Variants in PTPRT observed in about 807,000 individuals in gnomAD.
The protein encoded by PTPRT is protein tyrosine phosphatase receptor type T.
PTPRT carries 56 observed loss-of-function variants against 176.8 expected under a neutral mutation model. The ratio of observed to expected loss-of-function variants is 0.32; its 90% confidence interval spans 0.26 to 0.40. The LOEUF (loss-of-function observed/expected upper bound fraction) is 0.40, where lower values mean the gene tolerates loss of function less well. Among genes scored for constraint, PTPRT ranks in the 10% least tolerant of loss-of-function variants. The pLI is 1.00. For missense variants in PTPRT, 1,540 were observed against 1,908.2 expected, an observed-to-expected ratio of 0.81 and a Z score of 3.60; for synonymous variants, 783 against 739.0, an observed-to-expected ratio of 1.06 and a Z score of -0.96.
Position 43,085,543 on chromosome 20 carries a change from C to T in PTPRT, c.88+104103G>A, listed in dbSNP as rs2011580190. ...TTTATAAAGAGGTTTAATTGACTCA[C>T]AGTTCCACATGGCTTGGGAGGCCTC... On this transcript the variant is annotated intron_variant, in intron 1 of 30. Transcript: ENST00000373187. 5.3e-5 allele frequency among the ~76,000 whole-genome samples: 8 copies of T among 152,274 alleles called. No homozygotes were observed. In the South Asian group the frequency reaches 1.7e-3, roughly 32 times the overall value.
At chr20:42,452,659 A>T (rs927034118) in intron 8 of PTPRT, among the ~76,000 whole-genome samples, 6 of 152,182 alleles carry the variant, frequency 3.9e-5, no homozygotes, top group Admixed American at 1.3e-4. Context: ...GACAATAAGA[A>T]GTGTCTGTCT....
intron 7 of PTPRT, among the ~76,000 whole-genome samples, chr20:42,516,960 T>G (rs1167703566): frequency 1.3e-5 from 2 of 152,118 alleles, no homozygotes; most frequent in Non-Finnish European, 2.9e-5. Context: ...TAACTAACTT[T>G]GGTTTCTGAA....
At chr20:43,029,323 G>GT (rs1354023902) in intron 1 of PTPRT, among the ~76,000 whole-genome samples, 1 of 152,176 alleles carries the variant, frequency 6.6e-6, no homozygotes, top group Non-Finnish European at 1.5e-5. Flanking sequence ...GTGAGATACA[G>GT]TTAAGTCATG....
At chr20:42,140,694 A>C (rs1463217376) in intron 18 of PTPRT, among the ~76,000 whole-genome samples, 1 of 152,090 alleles carries the variant, frequency 6.6e-6, no homozygotes, top group Non-Finnish European at 1.5e-5. Flanking sequence ...GATCTTTCCA[A>C]AATGGACATC....
Position 42,951,981 on chromosome 20 carries a change from G to A in PTPRT, c.89-66049C>T, listed in dbSNP as rs117969953. 7.9e-3 allele frequency among the ~76,000 whole-genome samples: 1,210 copies of A among 152,320 alleles called. 11 individuals carry two copies. Among genetic ancestry groups the A allele is most frequent in the Middle Eastern group, 0.051 (15 of 294 alleles). ...TTTAACACCAAAAGCCTCCATTTTA[G>A]GAAAAGGCACCCAAATCCCTGCTTC... On this transcript the variant is annotated intron_variant, in intron 1 of 30. Coordinates refer to ENST00000373187, the MANE Select transcript of PTPRT (RefSeq NM_007050.6).
intron 1 of PTPRT, among the ~76,000 whole-genome samples, chr20:42,958,123 C>T (rs1032487164): frequency 2.1e-4 from 28 of 135,788 alleles, no homozygotes; most frequent in African/African-American, 8.0e-4. Flanking sequence ...TGAGTTTCAT[C>T]CCCTAATGTG....
At chr20:42,971,247 G>T (rs1982620411) in intron 1 of PTPRT, 1 of 152,212 alleles carries the variant, frequency 6.6e-6, no homozygotes. Context: ...ATCTGAAAGT[G>T]CTGTTTGAAG....
intron 5 of PTPRT, among the ~76,000 whole-genome samples, chr20:42,763,015 T>G (rs1484579027): frequency 1.3e-5 from 2 of 152,234 alleles, no homozygotes; most frequent in East Asian, 3.8e-4. Flanking sequence ...ATAGCTACAC[T>G]TTAATGTTCT....
chr20:42,587,222 A>C (rs1021480870), intron 7 of PTPRT, among the ~76,000 whole-genome samples: 1 of 152,182 alleles, frequency 6.6e-6, no homozygotes, highest in Non-Finnish European at 1.5e-5. Flanking sequence ...CCATACTGCA[A>C]CTGAGGTCCC....
intron 7 of PTPRT, among the ~76,000 whole-genome samples, chr20:42,603,252 G>T (rs1172234251): frequency 6.6e-6 from 1 of 152,126 alleles, no homozygotes; most frequent in Non-Finnish European, 1.5e-5. Flanking sequence ...TGGGGAGGAG[G>T]GTGTGAGGGA....
At chr20:42,876,931 T>A (rs2078941887) in intron 2 of PTPRT, among the ~76,000 whole-genome samples, 1 of 151,630 alleles carries the variant, frequency 6.6e-6, no homozygotes, top group Non-Finnish European at 1.5e-5. Flanking sequence ...CTGGAGGAGG[T>A]GACATTTGTG....
At chr20:43,127,679 A>G (rs764817488) in intron 1 of PTPRT, among the ~76,000 whole-genome samples, 6 of 152,106 alleles carry the variant, frequency 3.9e-5, no homozygotes, top group Non-Finnish European at 5.9e-5. Context: ...CTGGGCCCAG[A>G]GGGATGTTAA....
At chr20:42,412,937 T>G (rs1184363612) in intron 9 of PTPRT, among the ~76,000 whole-genome samples, 1 of 152,202 alleles carries the variant, frequency 6.6e-6, no homozygotes, top group African/African-American at 2.4e-5. Context: ...TTTGGGATTA[T>G]GAAAATATTT....
At position 42,448,237 on chromosome 20, in the gene PTPRT, C is replaced by T. The variant is rs767966403; in HGVS notation, c.1543G>A (p.Val515Ile). The change falls in exon 9 of 31, where the codon GTC becomes ATC. Residue 515 changes from valine to isoleucine, a missense_variant. Physicochemically the swap from Val to Ile is conservative, Grantham distance 29. This residue lies in a region of PTPRT where 136 missense variants were observed against 135.0 expected (regional missense o/e 1.01). Transcript: ENST00000373187. ...CTCCTTACCTCGTAGAGCGTGATGACCCCATTGGTCTCATTGGGAGGTTTC... is the reference window on the plus strand; with the variant it reads ...CTCCTTACCTCGTAGAGCGTGATGATCCCATTGGTCTCATTGGGAGGTTTC... ...QWKPPNETNG[V>I]ITLYEINYKA... The T allele has an allele frequency of 8.7e-6, 14 of 1,610,442 alleles. No individual in the cohort carries two copies. Among genetic ancestry groups the T allele is most frequent in the Non-Finnish European group, 1.2e-5 (14 of 1,176,800 alleles).
rs1464781424 is a variant in PTPRT, at chr20:42,104,555, G to A, written c.3540+14C>T. 1.9e-6 allele frequency: 3 copies of A among 1,606,634 alleles called. No homozygotes were observed. The highest frequency in any genetic ancestry group is 1.7e-5 in the Admixed American group (1 of 59,698). On this transcript the variant is annotated intron_variant, in intron 25 of 30. Coordinates refer to ENST00000373187, the MANE Select transcript of PTPRT (RefSeq NM_007050.6). ...CTGACTAAGATGGTCACCGAGCCTG[G>A]GATTTGCTCATACCTGAAATTCATC... is the stretch of plus-strand genomic sequence containing the variant.
Position 42,199,262 on chromosome 20 carries a change from A to T in PTPRT, c.2469T>A (p.Ser823Arg), listed in dbSNP as rs753248650. Residue 823 changes from serine (S) to arginine (R), a missense_variant, in exon 16 of 31, where the codon AGT (serine) becomes AGA (arginine). Around this residue, in one of 11 missense-constraint regions of PTPRT, gnomAD observed 255 missense variants for 250.1 expected, o/e 1.02. Coordinates refer to ENST00000373187, the MANE Select transcript of PTPRT (RefSeq NM_007050.6). ...ASRNDEGFSS[S>R]SQDVNGFTDG... ...TACTGAATCCGTTGACGTCCTGAGA[A>T]CTAGAAGAGAAGCCTTCATCATTGC... 15 of 1,614,022 alleles carry T rather than the reference A, an allele frequency of 9.3e-6. No homozygotes were observed. Among genetic ancestry groups the T allele is most frequent in the African/African-American group, 1.3e-5 (1 of 74,920 alleles).
intron 1 of PTPRT, among the ~76,000 whole-genome samples, chr20:43,057,027 G>C (rs1161246421): frequency 6.6e-6 from 1 of 151,828 alleles, no homozygotes; most frequent in African/African-American, 2.4e-5. Context: ...CCAATCTCAA[G>C]GGCCTTTCTA....
At position 42,677,917 on chromosome 20, in the gene PTPRT, C is replaced by A. The variant is rs2146064843; in HGVS notation, c.1102G>T (p.Gly368Trp). ...GGAGGCCCTGGCGGTCCCGTACCCC[C>A]CTCACCTGGTCGTGTGAGGAGCACT... Reference protein sequence around the residue: ...IRVLLTRPGEGGTGPPGPPLT... With the variant: ...IRVLLTRPGEWGTGPPGPPLT... The change falls in exon 7 of 31, where the codon GGG becomes TGG. Residue 368 changes from glycine to tryptophan, a missense_variant. This residue lies in a region of PTPRT where 273 missense variants were observed against 432.1 expected (regional missense o/e 0.63). Transcript: ENST00000373187. 6.2e-7 allele frequency: 1 copy of A among 1,614,176 alleles called. No homozygotes were observed.
chr20:43,045,133 T>G (rs2146220116), intron 1 of PTPRT, among the ~76,000 whole-genome samples: 1 of 152,326 alleles, frequency 6.6e-6, no homozygotes, highest in Admixed American at 6.5e-5. Context: ...CCCAAACAAA[T>G]GTTGAGATCC....
Sources: allele counts gnomAD v4.1 joint callset (sites outside exome capture counted in the v4.1 genomes callset), GRCh38; gene constraint gnomAD v4.1.1; regional missense constraint gnomAD v4.1.1; transcripts MANE v1.5; gene names NCBI Gene and HGNC (gene_info 2026-07-23, HGNC 2026-07-21).